The following CERKL variants were observed in gnomAD, a reference collection of about 807,000 sequenced individuals.
CERKL encodes the protein ceramide kinase-like protein.
Under a neutral mutation model 63.4 loss-of-function variants are expected in CERKL, and 61 were observed. The observed-to-expected ratio is 0.96, with a 90% CI of 0.78 to 1.19. The LOEUF (loss-of-function observed/expected upper bound fraction) is 1.19, where lower values mean the gene tolerates loss of function less well. Among genes scored for constraint, CERKL ranks in the 50% most tolerant of loss-of-function variants. The pLI is 0.00. For missense variants in CERKL, 675 were observed against 655.5 expected (o/e 1.03, Z -0.33); for synonymous variants, 250 against 230.5 (o/e 1.08, Z -0.77).
chr2:181,635,627 G>T (rs1269310664), intron 1 of CERKL, among the ~76,000 whole-genome samples: 1 of 152,074 alleles, frequency 6.6e-6, no homozygotes, highest in African/African-American at 2.4e-5. Flanking sequence ...CAATTGTATT[G>T]ATCTTATTTT....
intron 1 of CERKL, among the ~76,000 whole-genome samples, chr2:181,624,525 A>G (rs1244883277): frequency 1.3e-5 from 2 of 152,188 alleles, no homozygotes; most frequent in African/African-American, 4.8e-5. Context: ...AGTAAGACCC[A>G]ATCTTAAAAC....
intron 3 of CERKL, among the ~76,000 whole-genome samples, chr2:181,571,352 G>A (rs538884180): frequency 6.6e-6 from 1 of 152,004 alleles, no homozygotes; most frequent in South Asian, 2.1e-4. Context: ...GTTTAAATAT[G>A]GTACTTAGTA....
chr2:181,608,952 T>C (rs1244639769), intron 1 of CERKL, among the ~76,000 whole-genome samples: 1 of 152,158 alleles, frequency 6.6e-6, no homozygotes, highest in Non-Finnish European at 1.5e-5. Flanking sequence ...CCCATATCAA[T>C]TAGCATATTA....
intron 5 of CERKL, among the ~76,000 whole-genome samples, chr2:181,557,034 A>G (rs1477011146): frequency 1.3e-5 from 2 of 152,146 alleles, no homozygotes; most frequent in African/African-American, 4.8e-5. Flanking sequence ...TGGCTGCATA[A>G]ATGTCTTCTT....
intron 1 of CERKL, chr2:181,650,079 A>AAGGGAGGGAGGGAGGGAGGGAGGGAGGG (rs34125706): frequency 2.3e-5 from 1 of 44,402 alleles, no homozygotes; most frequent in Non-Finnish European, 4.3e-5. Flanking sequence ...AGCAATACAG[A>AAGGGAGGGAGGGAGGGAGGGAGGGAGGG]AGGGAGGGAG....
intron 2 of CERKL, among the ~76,000 whole-genome samples, chr2:181,598,216 C>T (rs955563795): frequency 2.0e-5 from 3 of 152,122 alleles, no homozygotes; most frequent in African/African-American, 4.8e-5. Flanking sequence ...GCAGCAGTGT[C>T]CCAGCAATGG....
At position 181,603,972 on chromosome 2, in the gene CERKL, T is replaced by C. The variant is rs549862377; in HGVS notation, c.346A>G (p.Thr116Ala). The C allele has an allele frequency of 1.2e-5, 20 of 1,613,420 alleles. No individual in the cohort carries two copies. In the East Asian group the frequency reaches 4.2e-4, roughly 34 times the overall value. The change falls in exon 2 of 13, where the codon ACT (threonine) becomes GCT (alanine). Residue 116 changes from threonine to alanine, a missense_variant. Coordinates refer to ENST00000410087, the MANE Select transcript of CERKL (RefSeq NM_201548.5). The stretch of plus-strand genomic sequence containing the variant: ...ATGAAGAGTGTGATACCTAATAAAG[T>C]ACCACTTCTCTGCTGTTTAACAGAA... ...RCSVKQQRSG[T>A]LLGITLFICL...
At chr2:181,552,985 T>G (rs1688053737) in intron 5 of CERKL, among the ~76,000 whole-genome samples, 1 of 152,136 alleles carries the variant, frequency 6.6e-6, no homozygotes, top group South Asian at 2.1e-4. Flanking sequence ...GGTGAGAAAC[T>G]CCTCTGGAAT....
At chr2:181,605,419 T>G (rs1167858509) in intron 1 of CERKL, among the ~76,000 whole-genome samples, 1 of 152,132 alleles carries the variant, frequency 6.6e-6, no homozygotes, top group Non-Finnish European at 1.5e-5. Flanking sequence ...CTAGAAGAAT[T>G]AACAGTACAA....
At chr2:181,620,595 C>T (rs1032071155) in intron 1 of CERKL, among the ~76,000 whole-genome samples, 14 of 152,126 alleles carry the variant, frequency 9.2e-5, no homozygotes, top group Non-Finnish European at 1.3e-4. Flanking sequence ...AGAAACTTTA[C>T]CTGAGAGATT....
At position 181,631,564 on chromosome 2, in the gene CERKL, C is replaced by A. The variant is rs182013156; in HGVS notation, c.238+25205G>T. On this transcript the variant is annotated intron_variant, in intron 1 of 12. Coordinates refer to ENST00000410087, the MANE Select transcript of CERKL (RefSeq NM_201548.5). The stretch of plus-strand genomic sequence containing the variant: ...CCTTACACCCCTCCACAGCACCCCC[C>A]TTCATGCTAATGCTGCTTTCCACAT... Among the ~76,000 whole-genome samples, 10 of 152,274 alleles carry A rather than the reference C, an allele frequency of 6.6e-5. No homozygotes were observed. The East Asian group carries it at 1.9e-3, about 29-fold the overall frequency.
At chr2:181,585,814 A>G (rs535280651) in intron 2 of CERKL, among the ~76,000 whole-genome samples, 135 of 152,330 alleles carry the variant, frequency 8.9e-4, no homozygotes, top group Non-Finnish European at 1.6e-3. Flanking sequence ...GAAACAAGTC[A>G]TCAGTGATAA....
Position 181,537,302 on chromosome 2 carries a change from A to ATATATATT in CERKL, c.*881_*882insAATATATA. 2.2e-6 allele frequency: 1 copy of ATATATATT among 453,778 alleles called. No individual in the cohort carries two copies. The highest frequency in any genetic ancestry group is 4.4e-6 in the Non-Finnish European group (1 of 226,594). 28.1% of individuals were successfully genotyped at this position (453,778 alleles called of 1,614,324 possible). A position where few individuals can be genotyped will look rare whatever the true frequency, so the allele number is the denominator to read the frequency against. On this transcript the variant is annotated 3_prime_UTR_variant, in exon 13 of 13. Transcript: ENST00000410087. ...CAGAAACAACTATATATTTCAGGTTATCTGAGCACAGTGAAAGCAGAGTAC... is the reference window on the plus strand; with the variant it reads ...CAGAAACAACTATATATTTCAGGTTATATATATTTCTGAGCACAGTGAAAGCAGAGTAC...
intron 1 of CERKL, among the ~76,000 whole-genome samples, chr2:181,628,789 A>G (rs1686822786): frequency 6.6e-6 from 1 of 152,192 alleles, no homozygotes; most frequent in Non-Finnish European, 1.5e-5. Context: ...ATTACTGCTG[A>G]GATCAGCAAG....
intron 1 of CERKL, among the ~76,000 whole-genome samples, chr2:181,612,324 C>T (rs537044958): frequency 1.8e-4 from 28 of 152,210 alleles, no homozygotes; most frequent in African/African-American, 6.3e-4. Flanking sequence ...GGCATAATTC[C>T]ATGAGTTTTT....
chr2:181,619,755 C>CA (rs1686367805), intron 1 of CERKL, among the ~76,000 whole-genome samples: 1 of 152,288 alleles, frequency 6.6e-6, no homozygotes, highest in African/African-American at 2.4e-5. Flanking sequence ...CTTCATTTCT[C>CA]AGTCCCTCTG....
At chr2:181,568,858 C>T (rs1197806473) in intron 3 of CERKL, among the ~76,000 whole-genome samples, 16 of 149,522 alleles carry the variant, frequency 1.1e-4, no homozygotes, top group Admixed American at 1.1e-3. Flanking sequence ...ACAACTGTCC[C>T]CAGAGTGTGA....
intron 2 of CERKL, among the ~76,000 whole-genome samples, chr2:181,577,780 G>A (rs926138814): frequency 2.0e-5 from 3 of 152,096 alleles, no homozygotes; most frequent in East Asian, 1.9e-4. Flanking sequence ...TATGGTTGGC[G>A]AGTAAGGCAG....
At chr2:181,627,341 T>G (rs2105925685) in intron 1 of CERKL, among the ~76,000 whole-genome samples, 1 of 152,160 alleles carries the variant, frequency 6.6e-6, no homozygotes, top group Admixed American at 6.5e-5. Context: ...ATTTACAGGA[T>G]ACATTAAGAG....
Sources: allele counts gnomAD v4.1 joint callset (sites outside exome capture counted in the v4.1 genomes callset), GRCh38; gene constraint gnomAD v4.1.1; transcripts MANE v1.5; gene names NCBI Gene and HGNC (gene_info 2026-07-23, HGNC 2026-07-21).